The following AGO3 variants were observed in gnomAD, a reference collection of about 807,000 sequenced individuals.
The protein encoded by AGO3 is protein argonaute-3.
A neutral mutation model predicts 105.5 loss-of-function variants in AGO3; 16 were observed. The ratio of observed to expected loss-of-function variants is 0.15; its 90% CI spans 0.10 to 0.23. The LOEUF (loss-of-function observed/expected upper bound fraction) is 0.23, where lower values mean the gene tolerates loss of function less well. Among genes scored for constraint, AGO3 ranks in the 10% least tolerant of loss-of-function variants. The pLI, the probability that AGO3 is intolerant of heterozygous loss-of-function variation, is 1.00. For synonymous variants in AGO3, 340 were observed against 367.3 expected (o/e 0.93, Z 0.85); for missense variants, 534 against 1,088.0 (o/e 0.49, Z 7.16).
chr1:35,977,582 A>G (rs879824668), intron 5 of AGO3, among the ~76,000 whole-genome samples: 3 of 151,944 alleles, frequency 2.0e-5, no homozygotes, highest in Non-Finnish European at 2.9e-5. Flanking sequence ...TTGTAGAGAC[A>G]AGATTTCACC....
chr1:36,016,576 C>A (rs573024122), intron 11 of AGO3, among the ~76,000 whole-genome samples: 86 of 152,048 alleles, frequency 5.7e-4, no homozygotes, highest in Non-Finnish European at 1.0e-3. Context: ...AACAGTTATC[C>A]CCTTTGATCT....
intron 13 of AGO3, among the ~76,000 whole-genome samples, chr1:36,035,598 T>A (rs1238470792): frequency 6.6e-6 from 1 of 152,180 alleles, no homozygotes; most frequent in Non-Finnish European, 1.5e-5. Context: ...AGTCTTTTTT[T>A]AAAGAGTGAT....
chr1:36,003,225 G>A (rs1640176076), intron 5 of AGO3, among the ~76,000 whole-genome samples: 1 of 151,138 alleles, frequency 6.6e-6, no homozygotes, highest in Non-Finnish European at 1.5e-5. Context: ...TATCCCCAGT[G>A]CCTATATAAC....
intron 9 of AGO3, among the ~76,000 whole-genome samples, chr1:36,009,912 T>TGACTA (rs1640512107): frequency 6.6e-6 from 1 of 150,856 alleles, no homozygotes; most frequent in South Asian, 2.1e-4. Context: ...CAAAGAATTA[T>TGACTA]GACTAGCAAT....
At position 36,065,716 on chromosome 1, in the gene AGO3, T is replaced by G. The variant is rs1343636726; in HGVS notation, c.*9971T>G. On this transcript the variant is annotated 3_prime_UTR_variant, in exon 19 of 19. Coordinates refer to ENST00000373191, the MANE Select transcript of AGO3 (RefSeq NM_024852.4). ...GAGCTTATTTTGCTGTTTTAACTGG[T>G]TGGCTCCACAAATCCTGCTACCTGA... 6.6e-6 allele frequency: 1 copy of G among 152,290 alleles called. No homozygotes were observed. The highest frequency in any genetic ancestry group is 1.5e-5 in the Non-Finnish European group (1 of 68,078). The allele number at this position is 152,290 out of a possible 1,614,324, so 9.4% of individuals were successfully genotyped here.
At chr1:36,047,894 T>G (rs750018643) in intron 17 of AGO3, among the ~76,000 whole-genome samples, 2 of 150,364 alleles carry the variant, frequency 1.3e-5, no homozygotes, top group Non-Finnish European at 3.0e-5. Context: ...AAAAAAGAAA[T>G]AATAGCTGAA....
At chr1:36,047,378 C>A (rs186498896) in intron 17 of AGO3, among the ~76,000 whole-genome samples, 3 of 151,090 alleles carry the variant, frequency 2.0e-5, no homozygotes, top group Admixed American at 1.3e-4. Flanking sequence ...AGAGCTTCAA[C>A]AGCAGATTTG....
At chr1:36,041,013 C>T (rs1642219761) in intron 16 of AGO3, among the ~76,000 whole-genome samples, 1 of 137,634 alleles carries the variant, frequency 7.3e-6, no homozygotes, top group African/African-American at 2.8e-5. Flanking sequence ...GCAGAGGTTG[C>T]AGTGAGCCGA....
intron 2 of AGO3, among the ~76,000 whole-genome samples, chr1:35,957,871 G>A (rs1646600026): frequency 6.6e-6 from 1 of 151,366 alleles, no homozygotes; most frequent in South Asian, 2.1e-4. Flanking sequence ...TTCAAGGCCA[G>A]CCTGGGCAAC....
At chr1:35,994,597 G>A (rs1440971614) in intron 5 of AGO3, among the ~76,000 whole-genome samples, 2 of 152,124 alleles carry the variant, frequency 1.3e-5, no homozygotes, top group African/African-American at 4.8e-5. Flanking sequence ...AACTCTGTTT[G>A]TAGAAGACAT....
Position 36,009,463 on chromosome 1 carries a change from T to C in AGO3, c.1030-12T>C, listed in dbSNP as rs200279267. 5.2e-5 allele frequency: 84 copies of C among 1,603,354 alleles called. No homozygotes were observed. Among genetic ancestry groups the C allele is most frequent in the Non-Finnish European group, 6.9e-5 (81 of 1,176,816 alleles). ...TATATACATGTAGTACAAAACTTTTTTCCATTTGTAGGTCTGTAATATTGT... is the reference window on the plus strand; with the variant it reads ...TATATACATGTAGTACAAAACTTTTCTCCATTTGTAGGTCTGTAATATTGT... On this transcript the variant is annotated splice_polypyrimidine_tract_variant and intron_variant, in intron 8 of 18. Transcript: ENST00000373191.
At chr1:35,986,654 C>T (rs1647194910) in intron 5 of AGO3, among the ~76,000 whole-genome samples, 1 of 151,200 alleles carries the variant, frequency 6.6e-6, no homozygotes, top group Admixed American at 6.6e-5. Context: ...CACCTCTGTA[C>T]TCCAGTCTAG....
rs981300656 is a variant in AGO3, at chr1:36,062,475, T to C, written c.*6730T>C. 1 of 152,244 alleles carries C rather than the reference T, an allele frequency of 6.6e-6. No individual in the cohort carries two copies. The highest frequency in any genetic ancestry group is 1.5e-5 in the Non-Finnish European group (1 of 68,042). The allele number at this position is 152,244 out of a possible 1,614,324, so 9.4% of individuals were successfully genotyped here. A position where few individuals can be genotyped will look rare whatever the true frequency, so the allele number is the denominator to read the frequency against. ...CCAAGGAATATTTTAAATGATTTTTTATTTTTTCTAGGATGCAGGAACTAT... is the reference window on the plus strand; with the variant it reads ...CCAAGGAATATTTTAAATGATTTTTCATTTTTTCTAGGATGCAGGAACTAT... On this transcript the variant is annotated 3_prime_UTR_variant, in exon 19 of 19. Coordinates refer to ENST00000373191, the MANE Select transcript of AGO3 (RefSeq NM_024852.4).
chr1:35,938,061 A>G (rs532852114), intron 1 of AGO3, among the ~76,000 whole-genome samples: 2 of 150,332 alleles, frequency 1.3e-5, no homozygotes, highest in East Asian at 3.9e-4. Context: ...GCTCACTGCA[A>G]CCTCCGCCTC....
At position 35,958,666 on chromosome 1, in the gene AGO3, G is replaced by A. The variant is rs1030052972; in HGVS notation, c.192-8289G>A. ...AGACCTTGTCTCAAAAAAAAAAAAA[G>A]AAAAAAGATCTAAAATATAATCCCT... On this transcript the variant is annotated intron_variant, in intron 2 of 18. Coordinates refer to ENST00000373191, the MANE Select transcript of AGO3 (RefSeq NM_024852.4). Among the ~76,000 whole-genome samples the A allele has an allele frequency of 4.7e-4, 69 of 146,334 alleles. No individual in the cohort carries two copies. The East Asian group carries it at 0.014, about 29-fold the overall frequency.
At chr1:36,014,316 G>A (rs374565022) in intron 11 of AGO3, among the ~76,000 whole-genome samples, 4 of 151,734 alleles carry the variant, frequency 2.6e-5, no homozygotes, top group Admixed American at 6.6e-5. Flanking sequence ...GTGCCACCAC[G>A]CCCAGCTAAT....
intron 3 of AGO3, among the ~76,000 whole-genome samples, chr1:35,970,242 GATAA>G (rs772908443): frequency 6.6e-5 from 10 of 152,082 alleles, no homozygotes; most frequent in Admixed American, 1.3e-4. Flanking sequence ...TAAATAAGTA[GATAA>G]ATAAATAAAA....
chr1:36,024,136 C>CTTT (rs543123565), intron 11 of AGO3, among the ~76,000 whole-genome samples: 55 of 128,940 alleles, frequency 4.3e-4, no homozygotes, highest in African/African-American at 1.2e-3. Flanking sequence ...TGACTGACTC[C>CTTT]TTTTTTTTTT....
In AGO3 at chr1:36,055,500, T is replaced by C; in HGVS notation, c.2475-137T>C. On this transcript the variant is annotated intron_variant, in intron 18 of 18. Transcript: ENST00000373191. This position sits in a 1 kb window ranked among gnomAD's most constrained non-coding sequence, Gnocchi z 4.4. ...TGAGTTAATAGTGATTGAAGCTGAG[T>C]GATGGACACATAGATTGTTACACCA... The C allele has an allele frequency of 2.5e-6, 2 of 808,794 alleles. No individual in the cohort carries two copies. Among genetic ancestry groups the C allele is most frequent in the Non-Finnish European group, 3.9e-6 (2 of 507,796 alleles). 50.1% of individuals were successfully genotyped at this position (808,794 alleles called of 1,614,324 possible).
Sources: allele counts gnomAD v4.1 joint callset (sites outside exome capture counted in the v4.1 genomes callset), GRCh38; gene constraint gnomAD v4.1.1; non-coding constraint Gnocchi (gnomAD v3.1); transcripts MANE v1.5; gene names NCBI Gene and HGNC (gene_info 2026-07-23, HGNC 2026-07-21).